The following SGCD variants were observed in gnomAD, a reference collection of about 807,000 sequenced individuals.
SGCD encodes the protein sarcoglycan delta.
In SGCD, 18 loss-of-function variants were observed where a neutral mutation model predicts 36.6. The observed-to-expected ratio is 0.49, with a 90% CI of 0.34 to 0.73. The LOEUF is 0.73. Ranked by LOEUF, SGCD falls within the 30% of genes least tolerant of loss-of-function variation. The pLI is 0.01. For synonymous variants in SGCD, 133 were observed against 130.6 expected, an observed-to-expected ratio of 1.02 and a Z score of -0.12; for missense variants, 387 against 346.7, an observed-to-expected ratio of 1.12 and a Z score of -0.92.
chr5:156,349,721 A>G (rs1271488965), intron 3 of SGCD, among the ~76,000 whole-genome samples: 1 of 152,180 alleles, frequency 6.6e-6, no homozygotes, highest in Non-Finnish European at 1.5e-5. Flanking sequence ...CTACCATTTG[A>G]TCCAGTAATC....
chr5:156,071,469 A>G (rs904204064), intron 1 of SGCD, among the ~76,000 whole-genome samples: 15 of 152,160 alleles, frequency 9.9e-5, no homozygotes, highest in African/African-American at 3.4e-4. Context: ...CCTGAGTTCT[A>G]GTTTGATTGC....
At chr5:156,118,562 C>G (rs1158874903) in intron 2 of SGCD, among the ~76,000 whole-genome samples, 1 of 152,048 alleles carries the variant, frequency 6.6e-6, no homozygotes, top group Non-Finnish European at 1.5e-5. Context: ...AAAGCCCAAC[C>G]CATGTTTAAA....
At chr5:156,140,051 C>T (rs897418666) in intron 3 of SGCD, among the ~76,000 whole-genome samples, 17 of 152,334 alleles carry the variant, frequency 1.1e-4, no homozygotes, top group African/African-American at 3.4e-4. Flanking sequence ...TGACAACAAA[C>T]TTGCCAGTAC....
At chr5:156,479,056 C>G (rs963752354) in intron 3 of SGCD, among the ~76,000 whole-genome samples, 2 of 152,088 alleles carry the variant, frequency 1.3e-5, no homozygotes, top group Admixed American at 6.6e-5. Flanking sequence ...AACATTAAGA[C>G]ACTTTTAGAT....
chr5:156,447,463 C>G (rs1226729184), intron 3 of SGCD, among the ~76,000 whole-genome samples: 1 of 152,108 alleles, frequency 6.6e-6, no homozygotes, highest in Non-Finnish European at 1.5e-5. Context: ...TTGCCTTAAT[C>G]AAAATTCATC....
intron 7 of SGCD, among the ~76,000 whole-genome samples, chr5:156,745,648 G>A (rs749165067): frequency 3.0e-4 from 45 of 152,054 alleles, no homozygotes; most frequent in Non-Finnish European, 4.9e-4. Flanking sequence ...AGAATTAGCA[G>A]AGGAACAAAC....
intron 7 of SGCD, among the ~76,000 whole-genome samples, chr5:156,696,915 AACACAC>A (rs57963416): frequency 0.049 from 7,084 of 145,078 alleles, 229 homozygotes; most frequent in African/African-American, 0.072. Flanking sequence ...CCTTACACAC[AACACAC>A]ACACACACAC....
At chr5:155,948,561 A>T (rs1441680038) in intron 1 of SGCD, among the ~76,000 whole-genome samples, 1 of 152,174 alleles carries the variant, frequency 6.6e-6, no homozygotes, top group Non-Finnish European at 1.5e-5. Flanking sequence ...AGCCCAGAAA[A>T]ATCAAACCAG....
intron 3 of SGCD, among the ~76,000 whole-genome samples, chr5:156,435,258 C>T (rs968925916): frequency 2.0e-5 from 3 of 152,262 alleles, no homozygotes; most frequent in Middle Eastern, 3.4e-3. Context: ...CACAGCTTAA[C>T]GCATTTTAAT....
At chr5:156,519,642 C>T (rs1561751272) in intron 4 of SGCD, among the ~76,000 whole-genome samples, 1 of 152,170 alleles carries the variant, frequency 6.6e-6, no homozygotes, top group Non-Finnish European at 1.5e-5. Flanking sequence ...AAAACGAATT[C>T]AGCAGCACAT....
chr5:156,052,549 A>G (rs1458277046), intron 1 of SGCD, among the ~76,000 whole-genome samples: 1 of 146,122 alleles, frequency 6.8e-6, no homozygotes, highest in Admixed American at 6.8e-5. Context: ...GGGTGGTGAG[A>G]TATATAGAAA....
At chr5:156,319,380 G>T (rs1023308082) in intron 3 of SGCD, among the ~76,000 whole-genome samples, 1 of 152,164 alleles carries the variant, frequency 6.6e-6, no homozygotes, top group Non-Finnish European at 1.5e-5. Context: ...AGGCAAATGA[G>T]ACCATTTTTG....
intron 3 of SGCD, among the ~76,000 whole-genome samples, chr5:156,166,338 A>T (rs1763212178): frequency 6.6e-6 from 1 of 151,810 alleles, no homozygotes; most frequent in South Asian, 2.1e-4. Flanking sequence ...TTTTATTGAG[A>T]TGGAGTCTCG....
At chr5:156,374,625 G>A (rs2127742358) in intron 3 of SGCD, among the ~76,000 whole-genome samples, 1 of 151,570 alleles carries the variant, frequency 6.6e-6, no homozygotes, top group East Asian at 2.0e-4. Flanking sequence ...TGGAGCAGAA[G>A]CTTCCTGCAT....
chr5:156,742,556 T>TGCTACCTCTTATGCACTTTCCAC (rs1319103491), intron 7 of SGCD, among the ~76,000 whole-genome samples: 1 of 152,156 alleles, frequency 6.6e-6, no homozygotes, highest in African/African-American at 2.4e-5. Flanking sequence ...GCAGTCCTCT[T>TGCTACCTCTTATGCACTTTCCAC]GCTACCTCTT....
intron 6 of SGCD, among the ~76,000 whole-genome samples, chr5:156,643,125 C>T (rs971924056): frequency 5.9e-5 from 9 of 151,584 alleles, no homozygotes; most frequent in Middle Eastern, 6.8e-3. Context: ...CTCCACCTCC[C>T]GAGTTCAAGG....
At chr5:155,844,420 T>TG in the SGCD span, among the ~76,000 whole-genome samples, 4 of 124,894 alleles carry the variant, frequency 3.2e-5, no homozygotes, top group Non-Finnish European at 6.9e-5. Flanking sequence ...TTGCTAAGGC[T>TG]TTGTGTGTGT....
intron 3 of SGCD, among the ~76,000 whole-genome samples, chr5:156,352,177 A>G (rs1352198754): frequency 6.6e-6 from 1 of 152,228 alleles, no homozygotes; most frequent in Non-Finnish European, 1.5e-5. Context: ...ACAATCATTT[A>G]GCACAAGTGG....
intron 4 of SGCD, among the ~76,000 whole-genome samples, chr5:156,582,809 G>A (rs950343882): frequency 7.3e-5 from 11 of 151,554 alleles, no homozygotes; most frequent in Non-Finnish European, 7.4e-5. Flanking sequence ...ATGCATGCAC[G>A]CATGTGCACG....
Sources: gnomAD v4.1 joint callset for allele counts (sites outside exome capture counted in the v4.1 genomes callset) on GRCh38, gnomAD v4.1.1 for gene constraint, MANE v1.5 for transcripts, NCBI Gene and HGNC (gene_info 2026-07-23, HGNC 2026-07-21) for gene names.